PARP6: variants seen among roughly 807,000 people sequenced by gnomAD.
PARP6 encodes poly(ADP-ribose) polymerase family member 6.
In PARP6, 27 loss-of-function variants were observed where a neutral mutation model predicts 92.0. That is an observed-to-expected ratio of 0.29 (90% CI 0.22 to 0.40). PARP6 has a LOEUF of 0.40. PARP6 is among the 10% of genes least tolerant of loss of function. The probability of loss-of-function intolerance (pLI) is 1.00; values close to 1 mark genes in which losing one functional copy is unlikely to be tolerated. For missense variants in PARP6, 501 were observed against 784.5 expected (o/e 0.64, Z 4.32); for synonymous variants, 272 against 281.2 (o/e 0.97, Z 0.33).
In PARP6 at chr15:72,242,731, T is replaced by C. The variant is rs1307720985; in HGVS notation, c.1562-32A>G. On this transcript the variant is annotated intron_variant, in intron 20 of 23. Coordinates refer to ENST00000569795, the MANE Select transcript of PARP6 (RefSeq NM_001323532.2). This position sits in a 1 kb window ranked among gnomAD's most constrained non-coding sequence, Gnocchi z 4.3. Reference sequence around the variant, plus strand: ...CAGAACAATACACCCACTTCATTTATCAAAAATTTACGAAAGTGCCTACTA... The same window carrying C: ...CAGAACAATACACCCACTTCATTTACCAAAAATTTACGAAAGTGCCTACTA... The C allele has an allele frequency of 6.7e-7, 1 of 1,501,696 alleles. No individual in the cohort carries two copies. 93.0% of individuals were successfully genotyped at this position (1,501,696 alleles called of 1,614,324 possible).
At position 72,250,877 on chromosome 15, in the gene PARP6, G is replaced by C; in HGVS notation, c.1386C>G (p.Ala462=). 6.3e-7 allele frequency: 1 copy of C among 1,591,694 alleles called. No homozygotes were observed. Among genetic ancestry groups the C allele is most frequent in the Non-Finnish European group, 8.6e-7 (1 of 1,166,676 alleles). ...PPAKEARFRT[A]KKLYGSTFAF... is the part of the protein sequence containing the mutation. ...CAAAGGTGCTGCCATAGAGCTTCTT[G>C]GCGGTCCGGAACCGAGCCTCCTTGG... Residue 462 remains alanine (A), a synonymous_variant, in exon 18 of 24, where the codon GCC becomes GCG. Transcript: ENST00000569795.
chr15:72,250,331 A>C, intron 18 of PARP6: 1 of 436,838 alleles, frequency 2.3e-6, no homozygotes, highest in Non-Finnish European at 4.2e-6. Flanking sequence ...TCCCATCCTA[A>C]ATCCTCAACT....
intron 10 of PARP6, among the ~76,000 whole-genome samples, chr15:72,260,096 C>T (rs183195770): frequency 1.5e-4 from 23 of 152,210 alleles, no homozygotes; most frequent in East Asian, 1.4e-3. Context: ...TGAAGGAAGG[C>T]GGATCACTTG....
chr15:72,251,290 ATAAT>A, intron 16 of PARP6, 35 bp from the exon 17 acceptor site: 1 of 1,342,186 alleles, frequency 7.5e-7, no homozygotes, highest in Non-Finnish European at 1.1e-6. Context: ...AAAGGATAGA[ATAAT>A]TATGTATTTA....
At chr15:72,247,188 T>C (rs1201676828) in intron 20 of PARP6, among the ~76,000 whole-genome samples, 2 of 152,214 alleles carry the variant, frequency 1.3e-5, no homozygotes, top group African/African-American at 4.8e-5. Context: ...TTTTTTTTCT[T>C]TTTTGAGACA....
Position 72,265,112 on chromosome 15 carries a change from T to A in PARP6, c.297A>T (p.Arg99=). 1.9e-6 allele frequency: 3 copies of A among 1,613,702 alleles called. No homozygotes were observed. The highest frequency in any genetic ancestry group is 2.5e-6 in the Non-Finnish European group (3 of 1,179,744). Residue 99 remains arginine, a synonymous_variant, in exon 7 of 24, where the codon CGA becomes CGT. Coordinates refer to ENST00000569795, the MANE Select transcript of PARP6 (RefSeq NM_001323532.2). ...LRTEPIVLRL[R]FSLSQYLDGP... Reference sequence around the variant, plus strand: ...CATCTAGGTACTGGGAGAGAGAAAATCGCAGCCTCAACACAATAGGTTCTG... The same window carrying A: ...CATCTAGGTACTGGGAGAGAGAAAAACGCAGCCTCAACACAATAGGTTCTG...
intron 11 of PARP6, 71 bp from the exon 12 acceptor site, chr15:72,258,203 T>G: frequency 8.3e-7 from 1 of 1,207,962 alleles, no homozygotes; most frequent in East Asian, 2.3e-5. Context: ...AATTTCAGCT[T>G]TTTTTTCCAA....
chr15:72,269,683 T>G (rs975068718), intron 2 of PARP6, among the ~76,000 whole-genome samples: 1 of 151,892 alleles, frequency 6.6e-6, no homozygotes, highest in East Asian at 2.0e-4. Context: ...GCAGGACACC[T>G]GAGGTCAGGA....
intron 17 of PARP6, 52 bp from the exon 18 acceptor site, chr15:72,251,006 C>A (rs527917729): frequency 1.5e-6 from 2 of 1,371,404 alleles, no homozygotes; most frequent in South Asian, 1.2e-5. Flanking sequence ...AAATCGAGAT[C>A]AGGGAGGGAA....
In PARP6 at chr15:72,250,967, G is replaced by A; in HGVS notation, c.1309-13C>T. On this transcript the variant is annotated splice_polypyrimidine_tract_variant and intron_variant, in intron 17 of 23. Coordinates refer to ENST00000569795, the MANE Select transcript of PARP6 (RefSeq NM_001323532.2). ...GCATGAACTTCAGCTGCTGCCCAGG[G>A]TGGGGGTGGAATCAGGAAAACAGAG... 1 of 1,590,402 alleles carries A rather than the reference G, an allele frequency of 6.3e-7. No homozygotes were observed.
chr15:72,246,622 T>TCA (rs1026799243), intron 20 of PARP6, among the ~76,000 whole-genome samples: 7 of 152,126 alleles, frequency 4.6e-5, no homozygotes, highest in East Asian at 3.9e-4. Context: ...CCTTTAGTTT[T>TCA]CACACACACA....
At chr15:72,260,886 C>T (rs959772583) in intron 9 of PARP6, among the ~76,000 whole-genome samples, 198 bp from the exon 10 acceptor site, 5 of 152,170 alleles carry the variant, frequency 3.3e-5, no homozygotes, top group Non-Finnish European at 7.3e-5. Flanking sequence ...TTTATGTCAT[C>T]ATCTGTGGGT....
intron 7 of PARP6, among the ~76,000 whole-genome samples, 196 bp from the exon 8 acceptor site, chr15:72,264,817 G>A (rs1012162856): frequency 1.3e-5 from 2 of 152,208 alleles, no homozygotes; most frequent in Non-Finnish European, 1.5e-5. Flanking sequence ...AATATCCTCA[G>A]GAGGATGTTG....
Position 72,256,454 on chromosome 15 carries a change from A to T in PARP6, c.1125+11T>A. The T allele has an allele frequency of 2.6e-6, 4 of 1,532,018 alleles. No individual in the cohort carries two copies. Among genetic ancestry groups the T allele is most frequent in the Non-Finnish European group, 3.5e-6 (4 of 1,145,350 alleles). The allele number at this position is 1,532,018 out of a possible 1,614,324, so 94.9% of individuals were successfully genotyped here. A position where few individuals can be genotyped will look rare whatever the true frequency, so the allele number is the denominator to read the frequency against. On this transcript the variant is annotated intron_variant, in intron 14 of 23. Coordinates refer to ENST00000569795, the MANE Select transcript of PARP6 (RefSeq NM_001323532.2). ...TCTGTTCCTTAGCCCTGACTTTCTCAAGTAACATACCTTAGGGTTAAAGGC... is the reference window on the plus strand; with the variant it reads ...TCTGTTCCTTAGCCCTGACTTTCTCTAGTAACATACCTTAGGGTTAAAGGC...
chr15:72,257,255 G>A, intron 13 of PARP6, 93 bp downstream of exon 13: 2 of 908,498 alleles, frequency 2.2e-6, no homozygotes, highest in Non-Finnish European at 3.7e-6. Flanking sequence ...ATATACAAAA[G>A]CATTTTTGGA....
intron 2 of PARP6, among the ~76,000 whole-genome samples, chr15:72,269,088 T>C (rs987588512): frequency 2.0e-5 from 3 of 152,228 alleles, no homozygotes; most frequent in African/African-American, 7.2e-5. Flanking sequence ...GTCACTGGCT[T>C]TGCACACATC....
chr15:72,269,119 C>T (rs914934021), intron 2 of PARP6, among the ~76,000 whole-genome samples: 1 of 152,182 alleles, frequency 6.6e-6, no homozygotes, highest in Non-Finnish European at 1.5e-5. Flanking sequence ...CTACTCCAAC[C>T]TCAAACAGAG....
chr15:72,254,631 T>A (rs186342559), intron 14 of PARP6, 111 bp from the exon 15 acceptor site: 7 of 735,422 alleles, frequency 9.5e-6, no homozygotes, highest in Non-Finnish European at 1.6e-5. Flanking sequence ...TAGGAAACAA[T>A]AGTATGTCAT....
intron 16 of PARP6, among the ~76,000 whole-genome samples, chr15:72,252,585 A>C (rs2084516187): frequency 6.6e-6 from 1 of 152,024 alleles, no homozygotes; most frequent in African/African-American, 2.4e-5. Context: ...TCCCGGGTTC[A>C]AGCGATTCTC....
Sources: gnomAD v4.1 joint callset for allele counts (sites outside exome capture counted in the v4.1 genomes callset) on GRCh38, gnomAD v4.1.1 for gene constraint, Gnocchi (gnomAD v3.1) non-coding constraint, MANE v1.5 for transcripts, NCBI Gene and HGNC (gene_info 2026-07-23, HGNC 2026-07-21) for gene names.